Variants in ZNF385D observed in about 807,000 individuals in gnomAD.
ZNF385D encodes zinc finger protein 659.
A neutral mutation model predicts 35.8 loss-of-function variants in ZNF385D; 15 were observed. The ratio of observed to expected loss-of-function variants is 0.42; its 90% CI spans 0.28 to 0.64. The LOEUF (loss-of-function observed/expected upper bound fraction) is 0.64. ZNF385D is among the 30% of genes least tolerant of loss of function. The pLI is 0.23. For missense variants in ZNF385D, 474 were observed against 494.6 expected (o/e 0.96, Z 0.39); for synonymous variants, 212 against 186.8 (o/e 1.13, Z -1.10).
At chr3:22,201,956 T>C (rs570268053) in intron 2 of ZNF385D, among the ~76,000 whole-genome samples, 1 of 151,668 alleles carries the variant, frequency 6.6e-6, no homozygotes, top group Admixed American at 6.6e-5. Context: ...AAGAAAAAAT[T>C]GAGTGTGTTA....
intron 3 of ZNF385D, among the ~76,000 whole-genome samples, chr3:22,037,647 A>G (rs1455649115): frequency 3.3e-5 from 5 of 152,060 alleles, no homozygotes; most frequent in South Asian, 2.1e-4. Context: ...ATTTTCTCCC[A>G]TTCTGTAGGT....
chr3:22,215,664 G>A (rs1697830823), intron 2 of ZNF385D, among the ~76,000 whole-genome samples: 1 of 152,032 alleles, frequency 6.6e-6, no homozygotes, highest in African/African-American at 2.4e-5. Context: ...CCCTGGTACT[G>A]TAGTCCTGTA....
At chr3:21,518,022 C>A (rs1707686246) in intron 3 of ZNF385D, among the ~76,000 whole-genome samples, 1 of 152,110 alleles carries the variant, frequency 6.6e-6, no homozygotes, top group South Asian at 2.1e-4. Context: ...GGGTACTTTA[C>A]AAGCCCTGCA....
At chr3:22,206,843 GAT>G (rs1332744734) in intron 2 of ZNF385D, among the ~76,000 whole-genome samples, 1 of 151,646 alleles carries the variant, frequency 6.6e-6, no homozygotes, top group African/African-American at 2.4e-5. Flanking sequence ...TATATAACCT[GAT>G]AATGCACCTT....
At chr3:22,065,929 G>C (rs1323564579) in intron 3 of ZNF385D, among the ~76,000 whole-genome samples, 2 of 152,126 alleles carry the variant, frequency 1.3e-5, no homozygotes, top group Non-Finnish European at 2.9e-5. Context: ...AATTGGCCAG[G>C]TGGAGTGAGG....
intron 2 of ZNF385D, among the ~76,000 whole-genome samples, chr3:22,317,391 C>A (rs1377372279): frequency 6.6e-6 from 1 of 151,228 alleles, no homozygotes; most frequent in Admixed American, 6.6e-5. Flanking sequence ...GAAAGAGCAA[C>A]CACCACTGGA....
chr3:21,929,789 G>C (rs932567021), intron 3 of ZNF385D, among the ~76,000 whole-genome samples: 23 of 151,936 alleles, frequency 1.5e-4, no homozygotes, highest in Non-Finnish European at 2.2e-4. Flanking sequence ...AAATAATACT[G>C]TAAGAAATTA....
At chr3:21,550,143 T>A (rs2062516483) in intron 3 of ZNF385D, among the ~76,000 whole-genome samples, 1 of 152,166 alleles carries the variant, frequency 6.6e-6, no homozygotes, top group African/African-American at 2.4e-5. Context: ...AGCATACTTA[T>A]AAAGAAAATT....
At chr3:22,227,032 C>T (rs915642784) in intron 2 of ZNF385D, among the ~76,000 whole-genome samples, 34 of 152,246 alleles carry the variant, frequency 2.2e-4, no homozygotes, top group African/African-American at 8.2e-4. Context: ...ATTTTGGTAG[C>T]CTTCTAGAAA....
chr3:21,827,050 G>C (rs1430816981), intron 3 of ZNF385D, among the ~76,000 whole-genome samples: 1 of 152,116 alleles, frequency 6.6e-6, no homozygotes. Context: ...GCCATTAAAA[G>C]TAATGGCAAA....
At chr3:22,159,740 T>TA in intron 3 of ZNF385D, among the ~76,000 whole-genome samples, 1 of 152,268 alleles carries the variant, frequency 6.6e-6, no homozygotes, top group East Asian at 1.9e-4. Flanking sequence ...CCTTCAATGA[T>TA]AAAAAAGGAA....
intron 1 of ZNF385D, among the ~76,000 whole-genome samples, chr3:21,736,455 G>A (rs2069246955): frequency 1.3e-5 from 2 of 152,232 alleles, no homozygotes; most frequent in South Asian, 2.1e-4. Flanking sequence ...AATGCCCACC[G>A]ACTGTTTAAA....
chr3:22,076,480 G>T (rs1204068902), intron 3 of ZNF385D, among the ~76,000 whole-genome samples: 3 of 151,814 alleles, frequency 2.0e-5, no homozygotes, highest in Non-Finnish European at 4.4e-5. Context: ...CAAAAGTGAG[G>T]CTTCCCATAA....
intron 4 of ZNF385D, among the ~76,000 whole-genome samples, chr3:21,472,531 C>T (rs1224539740): frequency 1.3e-5 from 2 of 152,108 alleles, no homozygotes; most frequent in African/African-American, 4.8e-5. Context: ...ATCAAAAAGT[C>T]CTCTTGTTTC....
chr3:21,556,062 G>GTTTTTTTTTTTTTTTTTTTTTTT (rs1362972751), intron 3 of ZNF385D, among the ~76,000 whole-genome samples: 1 of 93,140 alleles, frequency 1.1e-5, no homozygotes, highest in African/African-American at 4.4e-5. Context: ...CGTTTTTTTT[G>GTTTTTTTTTTTTTTTTTTTTTTT]TTTTTGTTTT....
At chr3:22,235,831 G>A (rs995298248) in intron 2 of ZNF385D, among the ~76,000 whole-genome samples, 1 of 152,074 alleles carries the variant, frequency 6.6e-6, no homozygotes, top group African/African-American at 2.4e-5. Flanking sequence ...CTATCTTTTT[G>A]AAGGGTAATA....
rs146800948 is a variant in ZNF385D, at chr3:22,093,164, A to G, written c.325+75653T>C. On this transcript the variant is annotated intron_variant, in intron 3 of 5. Coordinates refer to the ZNF385D transcript ENST00000494108. ...AAAGAGTTAGAAAAACACCCTGAGGAAAAAAAAAGTTGTTAATTGTGTCTA... is the reference window on the plus strand; with the variant it reads ...AAAGAGTTAGAAAAACACCCTGAGGGAAAAAAAAGTTGTTAATTGTGTCTA... 1.0e-3 allele frequency among the ~76,000 whole-genome samples: 152 copies of G among 151,328 alleles called. No individual in the cohort carries two copies. The East Asian group carries it at 0.015, about 15-fold the overall frequency.
chr3:21,602,847 A>G (rs995610589), intron 2 of ZNF385D, among the ~76,000 whole-genome samples: 1 of 152,062 alleles, frequency 6.6e-6, no homozygotes, highest in African/African-American at 2.4e-5. Context: ...TGCATTTTCT[A>G]AAGTACAAAC....
Position 21,888,577 on chromosome 3 carries a change from C to T in ZNF385D, c.326-223549G>A, listed in dbSNP as rs187976448. Among the ~76,000 whole-genome samples, 318 of 151,666 alleles carry T rather than the reference C, an allele frequency of 2.1e-3. 2 individuals carry two copies. Among genetic ancestry groups the T allele is most frequent in the African/African-American group, 6.5e-3 (269 of 41,306 alleles). ...TCTGGAATAGTTTTCAGTGTTGCTG[C>T]GGAAACAGAAGATTAAGAATTGAAA... On this transcript the variant is annotated intron_variant, in intron 3 of 5. Coordinates refer to the ZNF385D transcript ENST00000494108.
Sources: allele counts gnomAD v4.1 joint callset (sites outside exome capture counted in the v4.1 genomes callset), GRCh38; gene constraint gnomAD v4.1.1; transcripts MANE v1.5; gene names NCBI Gene and HGNC (gene_info 2026-07-23, HGNC 2026-07-21).